The following RGS6 variants were observed in gnomAD, a reference collection of about 807,000 sequenced individuals.
RGS6 encodes regulator of G-protein signaling 6.
Under a neutral mutation model 78.5 loss-of-function variants are expected in RGS6, and 30 were observed. That is an observed-to-expected ratio of 0.38 (90% confidence interval 0.29 to 0.52). The LOEUF (loss-of-function observed/expected upper bound fraction) is 0.52, where lower values mean the gene tolerates loss of function less well. Among genes scored for constraint, RGS6 ranks in the 20% least tolerant of loss-of-function variants. The probability of loss-of-function intolerance (pLI) is 0.85; values close to 1 mark genes in which losing one functional copy is unlikely to be tolerated. For synonymous variants in RGS6, 206 were observed against 206.0 expected (o/e 1.00, Z 0.00); for missense variants, 495 against 609.7 (o/e 0.81, Z 1.98).
At chr14:72,003,296 C>T (rs1157506045) in intron 2 of RGS6, among the ~76,000 whole-genome samples, 8 of 152,274 alleles carry the variant, frequency 5.3e-5, no homozygotes, top group Admixed American at 1.3e-4. Flanking sequence ...ATTTACCATT[C>T]GACGTTGTTG....
Position 72,013,829 on chromosome 14 carries a change from T to G in RGS6, c.84+48954T>G, listed in dbSNP as rs572960892. Among the ~76,000 whole-genome samples the G allele has an allele frequency of 3.7e-4, 56 of 152,344 alleles. No homozygotes were observed. In the South Asian group the frequency reaches 9.8e-3, roughly 27 times the overall value. On this transcript the variant is annotated intron_variant, in intron 2 of 17. Transcript: ENST00000553525. ...GGGGCCTTCAGGCTTTTCTCCTGAT[T>G]ATAGATTCAGAAATAATGCAAGAGG...
the RGS6 span, chr14:72,619,459 T>C: frequency 7.1e-7 from 1 of 1,416,986 alleles, no homozygotes; most frequent in Non-Finnish European, 9.5e-7. Context: ...TCCTGTTTCC[T>C]TTGAACTTTG....
chr14:72,560,229 G>A (rs1270768724), intron 17 of RGS6, among the ~76,000 whole-genome samples: 1 of 152,218 alleles, frequency 6.6e-6, no homozygotes, highest in African/African-American at 2.4e-5. Flanking sequence ...GGGATGGGAG[G>A]AGGAGGAGGA....
At chr14:72,417,630 T>C (rs1418927818) in intron 3 of RGS6, among the ~76,000 whole-genome samples, 1 of 152,220 alleles carries the variant, frequency 6.6e-6, no homozygotes, top group Admixed American at 6.5e-5. Context: ...GGTTCCGCAC[T>C]CATTAGCCAG....
the RGS6 span, among the ~76,000 whole-genome samples, chr14:71,897,807 C>A: frequency 1.3e-5 from 2 of 152,168 alleles, no homozygotes; most frequent in Non-Finnish European, 2.9e-5. Context: ...GCGTGAGCCA[C>A]CGCGCCCGGC....
intron 2 of RGS6, among the ~76,000 whole-genome samples, chr14:72,307,208 T>A (rs2067442000): frequency 6.6e-6 from 1 of 152,214 alleles, no homozygotes; most frequent in African/African-American, 2.4e-5. Flanking sequence ...ATATACATTG[T>A]TTTTTAGACA....
At chr14:72,581,272 C>A in the RGS6 span, among the ~76,000 whole-genome samples, 1 of 152,198 alleles carries the variant, frequency 6.6e-6, no homozygotes, top group Non-Finnish European at 1.5e-5. Context: ...TGTCTTACTT[C>A]ATGGCACCCC....
intron 3 of RGS6, among the ~76,000 whole-genome samples, chr14:72,423,455 A>G (rs1597324006): frequency 6.6e-6 from 1 of 152,326 alleles, no homozygotes; most frequent in Non-Finnish European, 1.5e-5. Context: ...GTAAAAAAAA[A>G]TGTGGTACAC....
chr14:71,938,562 C>T (rs1388484464), intron 1 of RGS6, among the ~76,000 whole-genome samples: 1 of 152,148 alleles, frequency 6.6e-6, no homozygotes, highest in Non-Finnish European at 1.5e-5. Flanking sequence ...CCCCATGAGG[C>T]CGTGGGTGCA....
intron 2 of RGS6, among the ~76,000 whole-genome samples, chr14:72,346,870 G>T (rs1411227556): frequency 6.6e-6 from 1 of 152,164 alleles, no homozygotes; most frequent in Admixed American, 6.5e-5. Flanking sequence ...GGCTATTTCA[G>T]TGAATTGTGT....
the RGS6 span, among the ~76,000 whole-genome samples, chr14:72,596,910 T>C: frequency 6.6e-6 from 1 of 152,210 alleles, no homozygotes; most frequent in Non-Finnish European, 1.5e-5. Flanking sequence ...CTCAGGTTCC[T>C]TATCTGTAAA....
chr14:72,300,663 GC>G (rs1303666378), intron 2 of RGS6, among the ~76,000 whole-genome samples: 1 of 152,174 alleles, frequency 6.6e-6, no homozygotes, highest in Non-Finnish European at 1.5e-5. Context: ...GAAGGGGGTG[GC>G]ATAGACATAT....
At chr14:72,396,626 A>G (rs976570972) in intron 3 of RGS6, among the ~76,000 whole-genome samples, 9 of 152,112 alleles carry the variant, frequency 5.9e-5, no homozygotes, top group South Asian at 2.1e-4. Context: ...GCCCACGCCT[A>G]TGTCCTGAAT....
chr14:71,978,305 T>A (rs981112820), intron 2 of RGS6, among the ~76,000 whole-genome samples: 3 of 123,516 alleles, frequency 2.4e-5, no homozygotes, highest in African/African-American at 8.9e-5. Flanking sequence ...CTATGTTGAA[T>A]AGGAGTGGTG....
the RGS6 span, among the ~76,000 whole-genome samples, chr14:72,600,131 C>T: frequency 6.6e-6 from 1 of 152,130 alleles, no homozygotes; most frequent in Non-Finnish European, 1.5e-5. Flanking sequence ...CACACATACA[C>T]ACACAGAGAG....
At chr14:72,297,943 T>G (rs182351684) in intron 2 of RGS6, among the ~76,000 whole-genome samples, 39 of 152,180 alleles carry the variant, frequency 2.6e-4, no homozygotes, top group African/African-American at 9.1e-4. Context: ...TTTTGAAGAT[T>G]ATAGAATTTT....
Position 72,103,037 on chromosome 14 carries a change from A to C in RGS6, c.84+138162A>C, listed in dbSNP as rs144756306. 5.2e-4 allele frequency among the ~76,000 whole-genome samples: 79 copies of C among 152,344 alleles called. 1 individual carries two copies. The East Asian group carries it at 0.015, about 28-fold the overall frequency. ...TGATCAGAGTTAAACATTGTGTACA[A>C]AATACCTTAGGAGGAATTTGAGACC... On this transcript the variant is annotated intron_variant, in intron 2 of 17. Transcript: ENST00000553525.
At chr14:72,287,668 G>A (rs958120662) in intron 2 of RGS6, among the ~76,000 whole-genome samples, 1 of 152,182 alleles carries the variant, frequency 6.6e-6, no homozygotes, top group East Asian at 1.9e-4. Context: ...ATGTTGGCCA[G>A]GCTGGTCTCA....
intron 2 of RGS6, among the ~76,000 whole-genome samples, chr14:72,220,623 G>A (rs1420393030): frequency 2.6e-5 from 4 of 152,192 alleles, no homozygotes; most frequent in African/African-American, 9.7e-5. Flanking sequence ...TTTAAGAAAC[G>A]TGGCTGTACT....
Sources: allele counts gnomAD v4.1 joint callset (sites outside exome capture counted in the v4.1 genomes callset), GRCh38; gene constraint gnomAD v4.1.1; transcripts MANE v1.5; gene names NCBI Gene and HGNC (gene_info 2026-07-23, HGNC 2026-07-21).